TP53BP1: variants seen among roughly 807,000 people sequenced by gnomAD.
The protein encoded by TP53BP1 is tumor protein p53 binding protein 1, also known as TP53-binding protein 1.
A neutral mutation model predicts 200.8 loss-of-function variants in TP53BP1; 61 were observed. That is an observed-to-expected ratio of 0.30 (90% CI 0.25 to 0.38). The LOEUF (loss-of-function observed/expected upper bound fraction) is 0.38, where lower values mean the gene tolerates loss of function less well. Among genes scored for constraint, TP53BP1 ranks in the 10% least tolerant of loss-of-function variants. The pLI, the probability that TP53BP1 is intolerant of heterozygous loss-of-function variation, is 1.00. For synonymous variants in TP53BP1, 822 were observed against 844.3 expected (o/e 0.97, Z 0.46); for missense variants, 2,144 against 2,371.9 (o/e 0.90, Z 2.00).
chr15:43,408,096 G>A lies in TP53BP1; in HGVS notation c.5601-8C>T. On this transcript the variant is annotated splice_region_variant and splice_polypyrimidine_tract_variant and intron_variant, in intron 26 of 27. Coordinates refer to ENST00000382044, the MANE Select transcript of TP53BP1 (RefSeq NM_001141980.3). ...GGATTTTCACGGGGTTGCCTATGAA[G>A]GAGACAGGAAAGGACCTTAGCATGA... The A allele has an allele frequency of 6.2e-7, 1 of 1,613,444 alleles. No individual in the cohort carries two copies. The highest frequency in any genetic ancestry group is 8.5e-7 in the Non-Finnish European group (1 of 1,179,680).
rs2046043696 is a variant in TP53BP1, at chr15:43,446,468, C to A, written c.2959G>T (p.Asp987Tyr). 1 of 1,614,086 alleles carries A rather than the reference C, an allele frequency of 6.2e-7. No homozygotes were observed. The highest frequency in any genetic ancestry group is 1.3e-5 in the African/African-American group (1 of 74,936). The change falls in exon 14 of 28, where the codon GAT becomes TAT. Residue 987 changes from aspartate to tyrosine, a missense_variant. By Grantham distance (160) the Asp-to-Tyr change is radical. Around this residue, in one of 4 missense-constraint regions of TP53BP1, gnomAD observed 1,700 missense variants for 1,710.3 expected, o/e 0.99. Coordinates refer to ENST00000382044, the MANE Select transcript of TP53BP1 (RefSeq NM_001141980.3). The stretch of plus-strand genomic sequence containing the variant: ...TTCATTCTTAGACATAATTTATCAT[C>A]CACGTCTGGGGCAGCCCCAGAATCC... ...KGDSGAAPDV[D>Y]DKLCLRMKLV... is the part of the protein sequence containing the mutation.
chr15:43,470,574 T>G (rs996868520), intron 10 of TP53BP1, among the ~76,000 whole-genome samples: 2 of 151,954 alleles, frequency 1.3e-5, no homozygotes, highest in South Asian at 4.1e-4. Context: ...CAAATACAGA[T>G]GAAGAAAAAA....
intron 14 of TP53BP1, among the ~76,000 whole-genome samples, chr15:43,445,355 C>A (rs943726010): frequency 6.6e-6 from 1 of 152,142 alleles, no homozygotes; most frequent in Non-Finnish European, 1.5e-5. Flanking sequence ...CTTCTTGTAA[C>A]TCCCCTCCCC....
chr15:43,411,861 A>T (rs1256086236), intron 24 of TP53BP1, among the ~76,000 whole-genome samples: 1 of 152,214 alleles, frequency 6.6e-6, no homozygotes, highest in Non-Finnish European at 1.5e-5. Flanking sequence ...CCAAGCAACA[A>T]ACAAAACATC....
chr15:43,421,547 C>T, intron 19 of TP53BP1: 1 of 496,802 alleles, frequency 2.0e-6, no homozygotes, highest in Admixed American at 3.6e-5. Context: ...CCTGTACTCC[C>T]AACTAAATCA....
intron 21 of TP53BP1, among the ~76,000 whole-genome samples, chr15:43,419,828 T>C (rs896833496): frequency 6.6e-6 from 1 of 152,026 alleles, no homozygotes; most frequent in African/African-American, 2.4e-5. Flanking sequence ...GACTGAGAAA[T>C]TGCCACAAAT....
chr15:43,449,114 G>A (rs753203013), intron 12 of TP53BP1, among the ~76,000 whole-genome samples: 1 of 152,044 alleles, frequency 6.6e-6, no homozygotes, highest in East Asian at 1.9e-4. Context: ...ATGACAGAGC[G>A]AGACCGTGCC....
At position 43,403,654 on chromosome 15, in the gene TP53BP1, T is replaced by C. The variant is rs371708001; in HGVS notation, c.*3729A>G. On this transcript the variant is annotated 3_prime_UTR_variant, in exon 28 of 28. Transcript: ENST00000382044. Reference sequence around the variant, plus strand: ...CTTCATGGATGTACCTTCCTTCCTTTCCTAATGCCAACTCTGTTTCCCGGG... The same window carrying C: ...CTTCATGGATGTACCTTCCTTCCTTCCCTAATGCCAACTCTGTTTCCCGGG... The C allele has an allele frequency of 6.6e-6, 10 of 1,526,174 alleles. No individual in the cohort carries two copies. The highest frequency in any genetic ancestry group is 2.3e-5 in the South Asian group (2 of 88,538). The allele number at this position is 1,526,174 out of a possible 1,614,324, so 94.5% of individuals were successfully genotyped here.
intron 10 of TP53BP1, 36 bp from the exon 11 acceptor site, chr15:43,470,102 C>G: frequency 6.6e-7 from 1 of 1,525,064 alleles, no homozygotes; most frequent in Non-Finnish European, 9.1e-7. Flanking sequence ...TGAGAAATAT[C>G]ACTCATCAAT....
At chr15:43,467,109 T>C (rs1441512137) in intron 11 of TP53BP1, among the ~76,000 whole-genome samples, 1 of 151,934 alleles carries the variant, frequency 6.6e-6, no homozygotes, top group Non-Finnish European at 1.5e-5. Flanking sequence ...AGCTGAGTGC[T>C]GTGGCATGAT....
chr15:43,416,742 C>A, intron 21 of TP53BP1: 1 of 210,556 alleles, frequency 4.7e-6, no homozygotes, highest in Non-Finnish European at 9.4e-6. Flanking sequence ...GGTTTCCTAA[C>A]AATTCCATTA....
At chr15:43,434,551 A>T (rs996361708) in intron 16 of TP53BP1, among the ~76,000 whole-genome samples, 2 of 152,196 alleles carry the variant, frequency 1.3e-5, no homozygotes, top group Admixed American at 6.5e-5. Context: ...AGGTGATGGT[A>T]TTAAGAGGCA....
At chr15:43,467,842 G>A (rs2046625126) in intron 11 of TP53BP1, among the ~76,000 whole-genome samples, 1 of 151,352 alleles carries the variant, frequency 6.6e-6, no homozygotes, top group Non-Finnish European at 1.5e-5. Flanking sequence ...GCAGTGCAGT[G>A]GCGCGATCTC....
At position 43,415,618 on chromosome 15, in the gene TP53BP1, GA is replaced by G; in HGVS notation, c.5064del (p.Arg1689AlafsTer6). On this transcript the variant is annotated frameshift_variant, in exon 23 of 28. Coordinates refer to ENST00000382044, the MANE Select transcript of TP53BP1 (RefSeq NM_001141980.3). LOFTEE classifies it high-confidence loss of function. Reference protein sequence around the residue: ...SEEERSPAKRGRKSATVKPGA... With the variant: ...SEEERSPAKRXRKSATVKPGA... The stretch of plus-strand genomic sequence containing the variant: ...CCAGGTTTTACTGTGGCAGACTTGC[GA>G]CCTCGCTTGGCAGGGGACCGTTCCT... 6.2e-7 allele frequency: 1 copy of G among 1,614,176 alleles called. No individual in the cohort carries two copies. The highest frequency in any genetic ancestry group is 8.5e-7 in the Non-Finnish European group (1 of 1,180,026).
intron 4 of TP53BP1, among the ~76,000 whole-genome samples, 170 bp downstream of exon 4, chr15:43,491,499 G>T (rs2079121948): frequency 6.6e-6 from 1 of 152,188 alleles, no homozygotes; most frequent in Non-Finnish European, 1.5e-5. Context: ...TCACAAAACA[G>T]TTTCCAGCTA....
chr15:43,481,864 C>T (rs1201945895), intron 4 of TP53BP1, among the ~76,000 whole-genome samples: 1 of 150,544 alleles, frequency 6.6e-6, no homozygotes, highest in Non-Finnish European at 1.5e-5. Flanking sequence ...GGCTAAAGTG[C>T]AGTAGCACGA....
chr15:43,440,704 A>T (rs908013847), intron 15 of TP53BP1, among the ~76,000 whole-genome samples: 1 of 152,112 alleles, frequency 6.6e-6, no homozygotes, highest in East Asian at 1.9e-4. Flanking sequence ...CCTGGGCAAC[A>T]TAGTAAAATC....
Position 43,413,158 on chromosome 15 carries a change from G to A in TP53BP1, c.5266C>T (p.Leu1756=). ...CTGCTTCCTGTAGGACCATCTGGCA[G>A]TTTGGAGCGGCTGGCCAACTTGTCA... The part of the protein sequence containing the change: ...TSDKLASRSK[L]PDGPTGSSEE... The change falls in exon 24 of 28, where the codon CTG becomes TTG. Residue 1756 remains leucine (L), a synonymous_variant. Transcript: ENST00000382044. 6.2e-7 allele frequency: 1 copy of A among 1,614,200 alleles called. No homozygotes were observed. Among genetic ancestry groups the A allele is most frequent in the South Asian group, 1.1e-5 (1 of 91,086 alleles).
intron 18 of TP53BP1, among the ~76,000 whole-genome samples, chr15:43,424,779 G>A (rs994713925): frequency 5.3e-5 from 8 of 152,220 alleles, no homozygotes; most frequent in East Asian, 1.9e-4. Context: ...AGTGGGGACA[G>A]GGATTAATGG....
Sources: gnomAD v4.1 joint callset for allele counts (sites outside exome capture counted in the v4.1 genomes callset) on GRCh38, gnomAD v4.1.1 for gene constraint, gnomAD v4.1.1 regional missense constraint, MANE v1.5 for transcripts, NCBI Gene and HGNC (gene_info 2026-07-23, HGNC 2026-07-21) for gene names.